The following CUX2 variants were observed in gnomAD, a reference collection of about 807,000 sequenced individuals.
CUX2 encodes homeobox protein cut-like 2.
Under a neutral mutation model 144.8 loss-of-function variants are expected in CUX2, and 40 were observed. The observed-to-expected ratio is 0.28, with a 90% CI of 0.21 to 0.36. The LOEUF (loss-of-function observed/expected upper bound fraction) is 0.36. Among genes scored for constraint, CUX2 ranks in the 10% least tolerant of loss-of-function variants. The pLI is 1.00. For synonymous variants in CUX2, 827 were observed against 875.6 expected (o/e 0.94, Z 0.98); for missense variants, 1,615 against 1,994.0 (o/e 0.81, Z 3.62).
intron 1 of CUX2, among the ~76,000 whole-genome samples, chr12:111,070,286 A>G (rs1239155193): frequency 1.3e-5 from 2 of 151,924 alleles, no homozygotes; most frequent in Non-Finnish European, 2.9e-5. Context: ...AAGAAATAAA[A>G]CCGTTGTTAA....
chr12:111,074,144 A>C (rs1871391440), intron 1 of CUX2, among the ~76,000 whole-genome samples: 1 of 152,018 alleles, frequency 6.6e-6, no homozygotes. Context: ...CAATCGGCTT[A>C]ATTCCATTTC....
chr12:111,307,400 A>C lies in CUX2; in HGVS notation c.1109+143A>C. ...ACACTGTGGATATCAAACCTTAACC[A>C]TCCTCAGGCCAGGTGCAGTGGCTCA... On this transcript the variant is annotated intron_variant, in intron 12 of 21. Coordinates refer to ENST00000261726, the MANE Select transcript of CUX2 (RefSeq NM_015267.4). This position sits in a 1 kb window ranked among gnomAD's most constrained non-coding sequence, Gnocchi z 4.1. The C allele has an allele frequency of 1.1e-5, 8 of 735,282 alleles. No individual in the cohort carries two copies. Among genetic ancestry groups the C allele is most frequent in the Non-Finnish European group, 1.8e-5 (8 of 451,982 alleles). 45.5% of individuals were successfully genotyped at this position (735,282 alleles called of 1,614,324 possible).
At chr12:111,183,866 C>T (rs7486985) in intron 1 of CUX2, among the ~76,000 whole-genome samples, 1 of 152,138 alleles carries the variant, frequency 6.6e-6, no homozygotes, top group African/African-American at 2.4e-5. Flanking sequence ...AGGAGAATTC[C>T]AGGTCAAGGC....
At chr12:111,164,821 T>TC (rs1241386414) in intron 1 of CUX2, among the ~76,000 whole-genome samples, 12 of 152,250 alleles carry the variant, frequency 7.9e-5, no homozygotes, top group African/African-American at 2.6e-4. Context: ...TACAGTGTGG[T>TC]CCACAGTAGA....
intron 19 of CUX2, among the ~76,000 whole-genome samples, chr12:111,336,553 T>A: frequency 6.6e-6 from 1 of 151,650 alleles, no homozygotes; most frequent in Non-Finnish European, 1.5e-5. Flanking sequence ...GTTCAAGTGA[T>A]TCTCCTGCCT....
At chr12:111,250,325 G>A (rs545176382) in intron 3 of CUX2, among the ~76,000 whole-genome samples, 5 of 152,056 alleles carry the variant, frequency 3.3e-5, no homozygotes, top group Non-Finnish European at 5.9e-5. Flanking sequence ...TGAGTCCAAA[G>A]ACAGCCCCCC....
chr12:111,104,715 C>T (rs958408001), intron 1 of CUX2, among the ~76,000 whole-genome samples: 14 of 152,160 alleles, frequency 9.2e-5, no homozygotes, highest in African/African-American at 2.9e-4. Context: ...GCCGCCAGGC[C>T]AGAAGAGGGG....
chr12:111,251,048 G>A (rs368155204), intron 3 of CUX2, among the ~76,000 whole-genome samples: 1 of 152,086 alleles, frequency 6.6e-6, no homozygotes, highest in Admixed American at 6.6e-5. Flanking sequence ...TTTGCAAGGC[G>A]CTAAAGAAAG....
At chr12:111,256,789 G>A (rs761719021) in intron 3 of CUX2, among the ~76,000 whole-genome samples, 33 of 152,102 alleles carry the variant, frequency 2.2e-4, no homozygotes, top group Non-Finnish European at 3.7e-4. Flanking sequence ...GAACAGGGCC[G>A]GTCACAATGC....
chr12:111,197,753 C>T (rs547448796), intron 1 of CUX2, among the ~76,000 whole-genome samples: 1 of 152,314 alleles, frequency 6.6e-6, no homozygotes, highest in East Asian at 1.9e-4. Flanking sequence ...ATGGGTGAGG[C>T]TTGGCCAGGT....
chr12:111,046,489 C>T (rs888662163), intron 1 of CUX2, among the ~76,000 whole-genome samples: 1 of 152,160 alleles, frequency 6.6e-6, no homozygotes, highest in Non-Finnish European at 1.5e-5. Context: ...GGAAGCGGCC[C>T]AGCCTGGACT....
rs188837625 is a variant in CUX2, at chr12:111,246,360, C to T, written c.223-17401C>T. Reference sequence around the variant, plus strand: ...CTTGTTAAACCTTTACCAGCACAGGCACCTTCCTCACAGGGCTTTTAGGAT... The same window carrying T: ...CTTGTTAAACCTTTACCAGCACAGGTACCTTCCTCACAGGGCTTTTAGGAT... On this transcript the variant is annotated intron_variant, in intron 3 of 21. Transcript: ENST00000261726. The surrounding 1 kb of genome is among the most constrained non-coding windows in gnomAD (Gnocchi z 4.0). Among the ~76,000 whole-genome samples the T allele has an allele frequency of 3.9e-3, 590 of 152,322 alleles. 4 individuals are homozygous for T. The highest frequency in any genetic ancestry group is 0.014 in the African/African-American group (571 of 41,570).
rs566074339 is a variant in CUX2 at position 111,229,720 on chromosome 12, CA to C, written c.222+11793del. On this transcript the variant is annotated intron_variant, in intron 3 of 21. Coordinates refer to ENST00000261726, the MANE Select transcript of CUX2 (RefSeq NM_015267.4). ...AGGTCAAGACCAGGCTTGGTCTCTA[CA>C]AAAAAAAAAGTTTTTTTGGCCAAGC... Among the ~76,000 whole-genome samples, 13 of 146,436 alleles carry C rather than the reference CA, an allele frequency of 8.9e-5. 1 individual carries two copies. Among genetic ancestry groups the C allele is most frequent in the South Asian group, 4.4e-4 (2 of 4,588 alleles).
At chr12:111,072,375 G>A (rs1349395859) in intron 1 of CUX2, among the ~76,000 whole-genome samples, 1 of 152,186 alleles carries the variant, frequency 6.6e-6, no homozygotes, top group Non-Finnish European at 1.5e-5. Flanking sequence ...ATAGTATTTA[G>A]TCTACATGTG....
At chr12:111,148,035 G>A (rs945517695) in intron 1 of CUX2, among the ~76,000 whole-genome samples, 6 of 152,160 alleles carry the variant, frequency 3.9e-5, no homozygotes, top group South Asian at 2.1e-4. Flanking sequence ...CAGTGGTTTC[G>A]CTTCTTGCTA....
intron 9 of CUX2, among the ~76,000 whole-genome samples, chr12:111,299,220 C>A (rs1886164067): frequency 1.3e-5 from 2 of 152,238 alleles, no homozygotes; most frequent in African/African-American, 2.4e-5. Flanking sequence ...AGAAGATGCC[C>A]ACCCGCCCTG....
At chr12:111,281,226 A>C in intron 4 of CUX2, among the ~76,000 whole-genome samples, 6 of 151,300 alleles carry the variant, frequency 4.0e-5, no homozygotes, top group South Asian at 2.1e-4. Flanking sequence ...ATCTCCCCCA[A>C]CTCCACTCCA....
chr12:111,320,733 G>T lies in CUX2; in HGVS notation c.2724G>T (p.Lys908Asn). The T allele has an allele frequency of 6.3e-7, 1 of 1,585,366 alleles. No homozygotes were observed. The highest frequency in any genetic ancestry group is 1.1e-5 in the South Asian group (1 of 89,838). The change falls in exon 17 of 22, where the codon AAG (lysine) becomes AAT (asparagine). Residue 908 changes from lysine to asparagine, a missense_variant. Coordinates refer to ENST00000261726, the MANE Select transcript of CUX2 (RefSeq NM_015267.4). This position sits in a 1 kb window ranked among gnomAD's most constrained non-coding sequence, Gnocchi z 8.1. ...AGCTCACCCGCCAGGTCAAGGAGAA[G>T]CTGGCCAAGAACGGCATCTGCCAGA... ...TLELTRQVKE[K>N]LAKNGICQRI...
intron 1 of CUX2, among the ~76,000 whole-genome samples, chr12:111,125,768 T>A (rs565331512): frequency 6.6e-6 from 1 of 152,146 alleles, no homozygotes; most frequent in East Asian, 1.9e-4. Flanking sequence ...TGGTGGAGAC[T>A]GAGGCTAATT....
Sources: allele counts gnomAD v4.1 joint callset (sites outside exome capture counted in the v4.1 genomes callset), GRCh38; gene constraint gnomAD v4.1.1; non-coding constraint Gnocchi (gnomAD v3.1); transcripts MANE v1.5; gene names NCBI Gene and HGNC (gene_info 2026-07-23, HGNC 2026-07-21).